Variants in LDB2 observed in about 807,000 individuals in gnomAD.
LDB2 encodes the protein LIM domain binding 2, also known as LIM domain-binding protein 2.
LDB2 carries 12 observed loss-of-function variants against 44.3 expected under a neutral mutation model. That is an observed-to-expected ratio of 0.27 (90% CI 0.17 to 0.44). The LOEUF is 0.44. Among genes scored for constraint, LDB2 ranks in the 20% least tolerant of loss-of-function variants. LDB2 has a pLI of 1.00. For synonymous variants in LDB2, 164 were observed against 174.8 expected, an observed-to-expected ratio of 0.94 and a Z score of 0.49; for missense variants, 344 against 473.5, an observed-to-expected ratio of 0.73 and a Z score of 2.54.
At chr4:16,714,958 C>T (rs1756759717) in intron 2 of LDB2, among the ~76,000 whole-genome samples, 1 of 152,066 alleles carries the variant, frequency 6.6e-6, no homozygotes, top group Non-Finnish European at 1.5e-5. Flanking sequence ...CTGCAAAGAC[C>T]CTATTTTCAA....
In LDB2 at chr4:16,890,351, A is replaced by AG. The variant is rs532636929; in HGVS notation, c.132+8002dup. Among the ~76,000 whole-genome samples, 380 of 152,190 alleles carry AG rather than the reference A, an allele frequency of 2.5e-3. 1 individual carries two copies. The highest frequency in any genetic ancestry group is 3.7e-3 in the Non-Finnish European group (250 of 68,002). On this transcript the variant is annotated intron_variant, in intron 1 of 7. Coordinates refer to ENST00000304523, the MANE Select transcript of LDB2 (RefSeq NM_001290.5). ...GTGGGGATCAGATTATAAGATGGAA[A>AG]GGGGGGGCACGGAGTGCTGTTAAGA...
At chr4:16,871,052 T>C (rs1390160140) in intron 1 of LDB2, among the ~76,000 whole-genome samples, 1 of 152,230 alleles carries the variant, frequency 6.6e-6, no homozygotes, top group Non-Finnish European at 1.5e-5. Flanking sequence ...AGCTCTCCTA[T>C]TGCTAAATTT....
intron 1 of LDB2, among the ~76,000 whole-genome samples, chr4:16,836,894 GTAGGAAGGTCTAAT>G (rs1784965682): frequency 6.6e-6 from 1 of 152,158 alleles, no homozygotes; most frequent in Non-Finnish European, 1.5e-5. Context: ...TTTCCACTTT[GTAGGAAGGTCTAAT>G]TAAAATCTCT....
intron 5 of LDB2, among the ~76,000 whole-genome samples, chr4:16,554,305 C>T (rs1738731266): frequency 6.6e-6 from 1 of 152,116 alleles, no homozygotes; most frequent in Admixed American, 6.5e-5. Flanking sequence ...CCGCCTCGGC[C>T]CCCCAAAGTG....
chr4:16,577,964 A>G (rs371537058), intron 5 of LDB2, among the ~76,000 whole-genome samples: 2 of 152,220 alleles, frequency 1.3e-5, no homozygotes, highest in South Asian at 2.1e-4. Flanking sequence ...ACATTCAGGA[A>G]AGTACAGCCT....
chr4:16,514,329 G>A (rs558505166), intron 5 of LDB2, among the ~76,000 whole-genome samples: 1 of 152,280 alleles, frequency 6.6e-6, no homozygotes, highest in Non-Finnish European at 1.5e-5. Flanking sequence ...TCACACTTTT[G>A]TATCCCTATG....
At chr4:16,700,069 T>C (rs896533223) in intron 2 of LDB2, among the ~76,000 whole-genome samples, 8 of 152,300 alleles carry the variant, frequency 5.3e-5, no homozygotes, top group Admixed American at 4.6e-4. Context: ...TGAACTGTAG[T>C]TCAGCATCCC....
At chr4:16,781,393 A>G (rs920704049) in intron 1 of LDB2, among the ~76,000 whole-genome samples, 2 of 152,214 alleles carry the variant, frequency 1.3e-5, no homozygotes, top group African/African-American at 4.8e-5. Context: ...CACAGATCAG[A>G]CTTTGAGTTA....
chr4:16,851,845 G>T (rs898787854), intron 1 of LDB2, among the ~76,000 whole-genome samples: 2 of 152,204 alleles, frequency 1.3e-5, no homozygotes, highest in African/African-American at 4.8e-5. Context: ...TCTCCAGTGA[G>T]AGAGAGGATC....
chr4:16,593,154 T>A (rs1719705954), intron 3 of LDB2, among the ~76,000 whole-genome samples: 1 of 152,168 alleles, frequency 6.6e-6, no homozygotes, highest in Admixed American at 6.6e-5. Context: ...TTGACCAAAT[T>A]TTCATAAAAG....
At chr4:16,628,870 T>C (rs1731068456) in intron 2 of LDB2, among the ~76,000 whole-genome samples, 1 of 152,174 alleles carries the variant, frequency 6.6e-6, no homozygotes, top group Admixed American at 6.5e-5. Flanking sequence ...CGTGAGTGAC[T>C]GTACCTGGAG....
intron 2 of LDB2, among the ~76,000 whole-genome samples, chr4:16,719,999 A>C (rs1468216107): frequency 1.3e-5 from 2 of 152,166 alleles, no homozygotes; most frequent in African/African-American, 2.4e-5. Context: ...TTAAATATTT[A>C]TCTTCCTTTA....
At chr4:16,662,424 C>T (rs1741841746) in intron 2 of LDB2, among the ~76,000 whole-genome samples, 1 of 152,058 alleles carries the variant, frequency 6.6e-6, no homozygotes, top group South Asian at 2.1e-4. Context: ...TTGTAAAGTC[C>T]ACCCTCCCCT....
chr4:16,856,417 C>T (rs567041259), intron 1 of LDB2, among the ~76,000 whole-genome samples: 4 of 152,206 alleles, frequency 2.6e-5, no homozygotes, highest in Admixed American at 6.5e-5. Flanking sequence ...GAATGTAAAT[C>T]GGTAAAGTCA....
chr4:16,666,158 A>G (rs1050845459), intron 2 of LDB2, among the ~76,000 whole-genome samples: 1 of 152,248 alleles, frequency 6.6e-6, no homozygotes, highest in South Asian at 2.1e-4. Context: ...ACTACCCCAT[A>G]GAAACCTAAA....
At chr4:16,773,653 C>T (rs1771205886) in intron 1 of LDB2, among the ~76,000 whole-genome samples, 2 of 152,170 alleles carry the variant, frequency 1.3e-5, no homozygotes, top group Admixed American at 6.5e-5. Flanking sequence ...TGACCTGTCA[C>T]ACCTCCTGAT....
At chr4:16,858,219 TCCCAGGTTC>T in intron 1 of LDB2, among the ~76,000 whole-genome samples, 1 of 152,312 alleles carries the variant, frequency 6.6e-6, no homozygotes, top group Admixed American at 6.5e-5. Flanking sequence ...ATGAGTCACT[TCCCAGGTTC>T]ACAGCTGTGC....
intron 1 of LDB2, among the ~76,000 whole-genome samples, chr4:16,779,351 G>T (rs1772655387): frequency 6.6e-6 from 1 of 152,172 alleles, no homozygotes; most frequent in Non-Finnish European, 1.5e-5. Flanking sequence ...AACCTTTTAT[G>T]GCTTTATGAG....
At chr4:16,593,059 G>A (rs1460298447) in intron 3 of LDB2, among the ~76,000 whole-genome samples, 2 of 136,916 alleles carry the variant, frequency 1.5e-5, no homozygotes, top group African/African-American at 2.7e-5. Context: ...CTGGTATCAG[G>A]AAATTGCAAT....
Sources: gnomAD v4.1 joint callset for allele counts (sites outside exome capture counted in the v4.1 genomes callset) on GRCh38, gnomAD v4.1.1 for gene constraint, MANE v1.5 for transcripts, NCBI Gene and HGNC (gene_info 2026-07-23, HGNC 2026-07-21) for gene names.